GABRB2: variants seen among roughly 807,000 people sequenced by gnomAD.
The protein encoded by GABRB2 is gamma-aminobutyric acid type A receptor subunit beta2, also known as gamma-aminobutyric acid receptor subunit beta-2.
Under a neutral mutation model 54.7 loss-of-function variants are expected in GABRB2, and 16 were observed. The ratio of observed to expected loss-of-function variants is 0.29; its 90% CI spans 0.20 to 0.44. The LOEUF (loss-of-function observed/expected upper bound fraction) is 0.44, where lower values mean the gene tolerates loss of function less well. Ranked by LOEUF, GABRB2 falls within the 20% of genes least tolerant of loss-of-function variation. The pLI, the probability that GABRB2 is intolerant of heterozygous loss-of-function variation, is 1.00. For synonymous variants in GABRB2, 244 were observed against 233.8 expected, an observed-to-expected ratio of 1.04 and a Z score of -0.40; for missense variants, 355 against 644.0, an observed-to-expected ratio of 0.55 and a Z score of 4.86.
intron 3 of GABRB2, among the ~76,000 whole-genome samples, chr5:161,476,375 A>T (rs976099781): frequency 1.3e-5 from 2 of 151,878 alleles, no homozygotes; most frequent in African/African-American, 4.8e-5. Context: ...GGTAAACTAC[A>T]GTTTTAATGC....
chr5:161,356,017 G>A (rs1369543766), intron 5 of GABRB2, among the ~76,000 whole-genome samples: 1 of 151,982 alleles, frequency 6.6e-6, no homozygotes, highest in Non-Finnish European at 1.5e-5. Flanking sequence ...AACATTAGAG[G>A]GCACAGGGGT....
chr5:161,412,616 T>C (rs934939561), intron 4 of GABRB2, among the ~76,000 whole-genome samples: 1 of 152,222 alleles, frequency 6.6e-6, no homozygotes, highest in Non-Finnish European at 1.5e-5. Context: ...GTCCTGGCTA[T>C]AGCCAGTATC....
chr5:161,452,210 T>A (rs1757808859), intron 4 of GABRB2, among the ~76,000 whole-genome samples: 1 of 152,184 alleles, frequency 6.6e-6, no homozygotes, highest in Admixed American at 6.5e-5. Flanking sequence ...TTCAAGGAGA[T>A]AAATAGTTTC....
intron 3 of GABRB2, among the ~76,000 whole-genome samples, chr5:161,484,010 A>T (rs973361297): frequency 6.6e-6 from 1 of 151,838 alleles, no homozygotes. Flanking sequence ...ATCTTTACCA[A>T]TCTAACTGTT....
At chr5:161,497,211 A>T (rs1359443339) in intron 3 of GABRB2, among the ~76,000 whole-genome samples, 2 of 152,102 alleles carry the variant, frequency 1.3e-5, no homozygotes, top group African/African-American at 4.8e-5. Flanking sequence ...ACATGATTGC[A>T]TAACTTCTTT....
chr5:161,295,116 G>C (rs1000532556), intron 9 of GABRB2, among the ~76,000 whole-genome samples: 1 of 152,172 alleles, frequency 6.6e-6, no homozygotes, highest in East Asian at 1.9e-4. Context: ...AAAAATAGGA[G>C]CATAACAGCC....
intron 9 of GABRB2, among the ~76,000 whole-genome samples, chr5:161,298,661 A>C (rs540464529): frequency 6.8e-4 from 103 of 152,322 alleles, no homozygotes; most frequent in African/African-American, 2.4e-3. Context: ...GCCTTTATTT[A>C]TACAGGTCTC....
At chr5:161,478,427 A>G (rs77217993) in intron 3 of GABRB2, among the ~76,000 whole-genome samples, 9,422 of 152,132 alleles carry the variant, frequency 0.062, 324 homozygotes, top group Middle Eastern at 0.096. Context: ...CATGAAAATG[A>G]TCTTTGAAAT....
chr5:161,503,920 C>A (rs1759524771), intron 3 of GABRB2, among the ~76,000 whole-genome samples: 1 of 151,898 alleles, frequency 6.6e-6, no homozygotes, highest in Non-Finnish European at 1.5e-5. Context: ...TAAAAACTGA[C>A]AAATTAGACT....
chr5:161,393,469 G>A (rs1024439878), intron 5 of GABRB2, among the ~76,000 whole-genome samples: 6 of 151,640 alleles, frequency 4.0e-5, no homozygotes, highest in Admixed American at 2.0e-4. Flanking sequence ...AGGAGGAACC[G>A]TCAAAGCATA....
At chr5:161,539,788 C>G (rs1760756202) in intron 3 of GABRB2, among the ~76,000 whole-genome samples, 1 of 152,144 alleles carries the variant, frequency 6.6e-6, no homozygotes, top group Non-Finnish European at 1.5e-5. Flanking sequence ...GCGAGTCTCA[C>G]AATTTTTTTG....
In GABRB2 at chr5:161,294,399, G is replaced by C; in HGVS notation, c.1221C>G (p.Ser407Arg). 1 of 1,613,766 alleles carries C rather than the reference G, an allele frequency of 6.2e-7. No homozygotes were observed. Among genetic ancestry groups the C allele is most frequent in the Non-Finnish European group, 8.5e-7 (1 of 1,179,798 alleles). The part of the protein sequence containing the change: ...TMDPHENILL[S>R]TLEIKNEMAT... ...CCATTTCATTTTTTATCTCGAGAGT[G>C]CTCAGTAAGATGTTCTCATGGGGGT... The change falls in exon 10 of 10, where the codon AGC (serine) becomes AGG (arginine). Residue 407 changes from serine to arginine, a missense_variant. Ser to Arg is a moderately radical substitution (Grantham distance 110, BLOSUM62 -1). Coordinates refer to ENST00000393959, the MANE Select transcript of GABRB2 (RefSeq NM_001371727.1).
intron 3 of GABRB2, among the ~76,000 whole-genome samples, chr5:161,536,561 C>T (rs1324012598): frequency 6.6e-6 from 1 of 152,122 alleles, no homozygotes; most frequent in Non-Finnish European, 1.5e-5. Context: ...AGTCCTGCTA[C>T]CCACTTTGTA....
intron 3 of GABRB2, among the ~76,000 whole-genome samples, chr5:161,516,815 G>A (rs1011919214): frequency 2.8e-4 from 43 of 152,282 alleles, no homozygotes; most frequent in African/African-American, 1.0e-3. Context: ...AGTGTGGACT[G>A]CTATCAGTAT....
chr5:161,463,555 T>TAGATATATATATAGA (rs1236064276), intron 3 of GABRB2, among the ~76,000 whole-genome samples: 280 of 23,702 alleles, frequency 0.012, 9 homozygotes, highest in South Asian at 0.045. Flanking sequence ...ATATTTTTAT[T>TAGATATATATATAGA]TATATATATA....
Position 161,393,299 on chromosome 5 carries a change from T to TAAAAAAAAAAAAAAAAAAA in GABRB2, c.541+17657_541+17675dup, listed in dbSNP as rs533308700. On this transcript the variant is annotated intron_variant, in intron 5 of 9. Transcript: ENST00000393959. ...TCCCTTTTATAACTCTTTAAAAATG[T>TAAAAAAAAAAAAAAAAAAA]AAAAAAAAAAAAAAAAAAAAAAAAA... 9.9e-5 allele frequency among the ~76,000 whole-genome samples: 4 copies of TAAAAAAAAAAAAAAAAAAA among 40,326 alleles called. 1 individual carries two copies. The highest frequency in any genetic ancestry group is 1.4e-4 in the Non-Finnish European group (3 of 21,638). 26.5% of individuals were successfully genotyped at this position (40,326 alleles called of 152,430 possible).
intron 3 of GABRB2, among the ~76,000 whole-genome samples, chr5:161,503,282 C>G (rs979228690): frequency 1.3e-5 from 2 of 151,028 alleles, no homozygotes; most frequent in Non-Finnish European, 3.0e-5. Flanking sequence ...TTTTAAAAAT[C>G]AAGTAGAAAT....
chr5:161,381,954 C>T (rs1580935148), intron 5 of GABRB2, among the ~76,000 whole-genome samples: 1 of 152,038 alleles, frequency 6.6e-6, no homozygotes, highest in Admixed American at 6.6e-5. Context: ...CACATATAAC[C>T]CATTAATATT....
In GABRB2 at chr5:161,522,727, C is replaced by T. The variant is rs191064778; in HGVS notation, c.237+22500G>A. ...GAAAAGAGACATACTCAAGGTCACT[C>T]ATGAGTGAGTAGGTGTATCAGGTTT... On this transcript the variant is annotated intron_variant, in intron 3 of 9. Transcript: ENST00000393959. 1.4e-3 allele frequency among the ~76,000 whole-genome samples: 218 copies of T among 151,664 alleles called. 1 individual carries two copies. The highest frequency in any genetic ancestry group is 4.8e-3 in the African/African-American group (201 of 41,472).
Sources: allele counts gnomAD v4.1 joint callset (sites outside exome capture counted in the v4.1 genomes callset), GRCh38; gene constraint gnomAD v4.1.1; transcripts MANE v1.5; gene names NCBI Gene and HGNC (gene_info 2026-07-23, HGNC 2026-07-21).